The following IL1RAPL1 variants were observed in gnomAD, a reference collection of about 807,000 sequenced individuals.
IL1RAPL1 encodes interleukin 1 receptor accessory protein like 1.
A neutral mutation model predicts 48.4 loss-of-function variants in IL1RAPL1; 3 were observed. The observed-to-expected ratio is 0.06, with a 90% CI of 0.03 to 0.16. The LOEUF (loss-of-function observed/expected upper bound fraction) is 0.16. Ranked by LOEUF, IL1RAPL1 falls within the 10% of genes least tolerant of loss-of-function variation. The pLI is 1.00. For missense variants in IL1RAPL1, 349 were observed against 530.6 expected (o/e 0.66, Z 3.36); for synonymous variants, 185 against 187.7 (o/e 0.99, Z 0.12).
At chrX:28,726,081 A>G (rs1340021110) in intron 1 of IL1RAPL1, among the ~76,000 whole-genome samples, 1 of 112,120 alleles carries the variant, frequency 8.9e-6, no homozygotes, top group African/African-American at 3.2e-5. Flanking sequence ...AATTGTGAAG[A>G]ATACATGGTT....
intron 6 of IL1RAPL1, among the ~76,000 whole-genome samples, chrX:29,745,905 A>G (rs147659617): frequency 1.8e-5 from 2 of 111,736 alleles, no homozygotes; most frequent in East Asian, 5.6e-4. Context: ...TTTGGTCACT[A>G]TCAAGTTATT....
At chrX:29,088,507 C>G (rs1928004657) in intron 2 of IL1RAPL1, among the ~76,000 whole-genome samples, 1 of 108,266 alleles carries the variant, frequency 9.2e-6, no homozygotes, top group South Asian at 4.1e-4. Context: ...GAAACCCTGT[C>G]TCTACTAAAA....
intron 1 of IL1RAPL1, among the ~76,000 whole-genome samples, chrX:28,655,830 A>G (rs772575684): frequency 5.9e-4 from 66 of 111,823 alleles, no homozygotes; most frequent in Non-Finnish European, 5.6e-4. Context: ...GAAAAGGTGG[A>G]ATTTTAAAAT....
chrX:29,287,572 A>G (rs965374997), intron 3 of IL1RAPL1, among the ~76,000 whole-genome samples: 2 of 112,100 alleles, frequency 1.8e-5, no homozygotes. Flanking sequence ...TCCTTGCAGC[A>G]TTTGCGATTG....
At chrX:29,630,688 A>G (rs1924747536) in intron 5 of IL1RAPL1, among the ~76,000 whole-genome samples, 1 of 109,916 alleles carries the variant, frequency 9.1e-6, no homozygotes. Context: ...ACAGGCGCCC[A>G]CCACCATGCC....
intron 5 of IL1RAPL1, among the ~76,000 whole-genome samples, chrX:29,486,673 C>T (rs1057154395): frequency 7.8e-5 from 8 of 102,429 alleles, no homozygotes; most frequent in African/African-American, 2.9e-4. Context: ...TGCAGCTCTG[C>T]TCTGATGTGT....
At chrX:29,537,859 A>C (rs1231497205) in intron 5 of IL1RAPL1, among the ~76,000 whole-genome samples, 1 of 111,887 alleles carries the variant, frequency 8.9e-6, no homozygotes, top group Non-Finnish European at 1.9e-5. Flanking sequence ...CTCATTTTAG[A>C]ATATCATAAT....
chrX:29,094,837 T>TAA (rs143227525), intron 2 of IL1RAPL1, among the ~76,000 whole-genome samples: 3 of 69,207 alleles, frequency 4.3e-5, no homozygotes, highest in East Asian at 1.0e-3. Context: ...ACCTAAAAAC[T>TAA]AAAAAAAAAA....
chrX:29,779,492 G>T (rs1390459974), intron 6 of IL1RAPL1, among the ~76,000 whole-genome samples: 1 of 110,999 alleles, frequency 9.0e-6, no homozygotes, highest in Non-Finnish European at 1.9e-5. Flanking sequence ...CTGCCTATAG[G>T]CTACTATACA....
intron 6 of IL1RAPL1, among the ~76,000 whole-genome samples, chrX:29,885,103 TCTTG>T (rs1308548426): frequency 9.0e-6 from 1 of 111,510 alleles, no homozygotes; most frequent in Non-Finnish European, 1.9e-5. Flanking sequence ...CCACTGGCCT[TCTTG>T]CTGTTCTTCT....
chrX:29,543,988 CAT>C (rs1921527145), intron 5 of IL1RAPL1, among the ~76,000 whole-genome samples: 1 of 112,152 alleles, frequency 8.9e-6, no homozygotes, highest in Admixed American at 9.5e-5. Context: ...TCTTTGTTCA[CAT>C]GTCTCATATA....
intron 6 of IL1RAPL1, among the ~76,000 whole-genome samples, chrX:29,860,283 A>G (rs192080785): frequency 3.6e-4 from 40 of 112,214 alleles, no homozygotes; most frequent in Non-Finnish European, 4.9e-4. Context: ...ATAAATAACT[A>G]TAATACTCTA....
intron 2 of IL1RAPL1, among the ~76,000 whole-genome samples, chrX:28,937,128 G>A (rs755195583): frequency 9.0e-6 from 1 of 111,086 alleles, no homozygotes; most frequent in South Asian, 3.8e-4. Context: ...TCACTTGAAA[G>A]ATATTAACGT....
chrX:29,802,913 G>C (rs1226223850), intron 6 of IL1RAPL1, among the ~76,000 whole-genome samples: 8 of 48,210 alleles, frequency 1.7e-4, no homozygotes, highest in African/African-American at 6.0e-4. Context: ...GTGTATATAT[G>C]TGTACATATA....
intron 1 of IL1RAPL1, among the ~76,000 whole-genome samples, chrX:28,695,999 A>T (rs1158901485): frequency 8.9e-6 from 1 of 112,397 alleles, no homozygotes. Flanking sequence ...TGCTTGCATC[A>T]ATCAGATGCT....
In IL1RAPL1 at chrX:29,283,198, C is replaced by G; in HGVS notation, c.343C>G (p.Leu115Val). Residue 115 changes from leucine (L) to valine (V), a missense_variant, in exon 3 of 11, where the codon CTC (leucine) becomes GTC (valine). By Grantham distance (32) the Leu-to-Val change is conservative. This residue lies in a region of IL1RAPL1 where 238 missense variants were observed against 337.8 expected (regional missense o/e 0.70). Coordinates refer to ENST00000378993, the MANE Select transcript of IL1RAPL1 (RefSeq NM_014271.4). Reference sequence around the variant, plus strand: ...GCCAACATTGCTACAGGACAGTGGTCTCTACGCCTGTGTCATCAGGTATCC... The same window carrying G: ...GCCAACATTGCTACAGGACAGTGGTGTCTACGCCTGTGTCATCAGGTATCC... The part of the protein sequence containing the change: ...FRPTLLQDSG[L>V]YACVIRNSTY... 1 of 1,211,204 alleles carries G rather than the reference C, an allele frequency of 8.3e-7. No homozygotes were observed. The highest frequency in any genetic ancestry group is 1.1e-6 in the Non-Finnish European group (1 of 895,068).
chrX:29,148,125 G>T (rs576777093), intron 2 of IL1RAPL1, among the ~76,000 whole-genome samples: 111 of 111,712 alleles, frequency 9.9e-4, no homozygotes, highest in South Asian at 1.9e-3. Flanking sequence ...TGTATGTAAA[G>T]TATGTATAGA....
intron 2 of IL1RAPL1, among the ~76,000 whole-genome samples, chrX:29,212,695 G>A (rs1194293043): frequency 8.9e-6 from 1 of 112,400 alleles, no homozygotes; most frequent in African/African-American, 3.2e-5. Flanking sequence ...CACATATTTT[G>A]TGTATTATAT....
intron 5 of IL1RAPL1, among the ~76,000 whole-genome samples, chrX:29,512,696 T>C (rs1305920617): frequency 3.6e-5 from 4 of 112,171 alleles, no homozygotes; most frequent in African/African-American, 1.3e-4. Flanking sequence ...ACAAGTGTTA[T>C]TTGTTACTGA....
Sources: allele counts gnomAD v4.1 joint callset (sites outside exome capture counted in the v4.1 genomes callset), GRCh38; gene constraint gnomAD v4.1.1; regional missense constraint gnomAD v4.1.1; transcripts MANE v1.5; gene names NCBI Gene and HGNC (gene_info 2026-07-23, HGNC 2026-07-21).